Variants in PATL2 observed in about 807,000 individuals in gnomAD.
The protein encoded by PATL2 is protein PAT1 homolog 2.
A neutral mutation model predicts 77.0 loss-of-function variants in PATL2; 73 were observed. That is an observed-to-expected ratio of 0.95 (90% CI 0.78 to 1.15). The LOEUF (loss-of-function observed/expected upper bound fraction) is 1.15. Among genes scored for constraint, PATL2 ranks in the 50% most tolerant of loss-of-function variants. The pLI is 0.00. For missense variants in PATL2, 618 were observed against 655.4 expected, an observed-to-expected ratio of 0.94 and a Z score of 0.62; for synonymous variants, 265 against 257.1, an observed-to-expected ratio of 1.03 and a Z score of -0.29.
intron 3 of PATL2, among the ~76,000 whole-genome samples, chr15:44,702,043 C>A (rs1035263873): frequency 6.6e-6 from 1 of 152,108 alleles, no homozygotes; most frequent in Non-Finnish European, 1.5e-5. Context: ...CTAGGGATTA[C>A]AATTCAACAT....
intron 3 of PATL2, among the ~76,000 whole-genome samples, chr15:44,696,356 A>G (rs575454643): frequency 4.6e-5 from 7 of 152,328 alleles, no homozygotes; most frequent in Non-Finnish European, 8.8e-5. Context: ...AGGTGATGCT[A>G]CCTCTGATTC....
chr15:44,676,597 C>T, intron 3 of PATL2, 32 bp from the exon 4 acceptor site: 2 of 1,515,076 alleles, frequency 1.3e-6, no homozygotes, highest in Non-Finnish European at 1.8e-6. Context: ...GAGGCACCAT[C>T]CTCAGTCAGT....
intron 6 of PATL2, among the ~76,000 whole-genome samples, chr15:44,673,779 C>A (rs1186598306): frequency 2.0e-5 from 3 of 152,218 alleles, no homozygotes; most frequent in Non-Finnish European, 2.9e-5. Context: ...TGAAGGATAT[C>A]CTGGTTCTTG....
chr15:44,709,319 G>T (rs933481692), intron 3 of PATL2, among the ~76,000 whole-genome samples: 2 of 151,990 alleles, frequency 1.3e-5, no homozygotes, highest in South Asian at 2.1e-4. Context: ...TTTTAAGAGG[G>T]TTATATAGGG....
intron 6 of PATL2, 115 bp from the exon 7 acceptor site, chr15:44,673,492 A>T (rs913951216): frequency 2.2e-6 from 3 of 1,357,086 alleles, no homozygotes; most frequent in Non-Finnish European, 3.0e-6. Flanking sequence ...TTCACCCAAC[A>T]TTGTGCCATC....
At chr15:44,680,228 G>T (rs2086103243) in intron 3 of PATL2, among the ~76,000 whole-genome samples, 1 of 152,110 alleles carries the variant, frequency 6.6e-6, no homozygotes, top group Non-Finnish European at 1.5e-5. Context: ...TCTGCTTCTT[G>T]TCGGGACCAT....
intron 3 of PATL2, among the ~76,000 whole-genome samples, chr15:44,693,165 TG>T (rs1320481745): frequency 6.6e-6 from 1 of 152,156 alleles, no homozygotes; most frequent in East Asian, 1.9e-4. Context: ...TCCATGATTC[TG>T]GAAAAAGGGG....
chr15:44,671,488 CAA>C (rs571777244), intron 9 of PATL2, among the ~76,000 whole-genome samples: 12 of 106,920 alleles, frequency 1.1e-4, no homozygotes, highest in Admixed American at 1.0e-4. Flanking sequence ...GACTCTGTCT[CAA>C]AAAAAAAAAA....
At position 44,667,007 on chromosome 15, in the gene PATL2, T is replaced by A. The variant is rs866751481; in HGVS notation, c.1463+99A>T. 5 of 933,762 alleles carry A rather than the reference T, an allele frequency of 5.4e-6. No homozygotes were observed. In the African/African-American group the frequency reaches 6.6e-5, roughly 12 times the overall value. 57.8% of individuals were successfully genotyped at this position (933,762 alleles called of 1,614,324 possible). A position where few individuals can be genotyped will look rare whatever the true frequency, so the allele number is the denominator to read the frequency against. Reference sequence around the variant, plus strand: ...CTACTACTTTCTCTATCCAACCTCTTCCTCAGTACTTGAAAATGCCTCAGG... The same window carrying A: ...CTACTACTTTCTCTATCCAACCTCTACCTCAGTACTTGAAAATGCCTCAGG... On this transcript the variant is annotated intron_variant, in intron 16 of 17. Coordinates refer to ENST00000682850, the MANE Select transcript of PATL2 (RefSeq NM_001387263.1).
At chr15:44,668,817 A>G (rs2085513173) in intron 14 of PATL2, among the ~76,000 whole-genome samples, 163 bp downstream of exon 14, 2 of 152,262 alleles carry the variant, frequency 1.3e-5, no homozygotes, top group Non-Finnish European at 2.9e-5. Context: ...CACTGTTCCT[A>G]TAATAGTTCT....
chr15:44,694,495 T>C (rs1461490683), intron 3 of PATL2, among the ~76,000 whole-genome samples: 1 of 152,156 alleles, frequency 6.6e-6, no homozygotes, highest in African/African-American at 2.4e-5. Context: ...CTCTTTCTTT[T>C]GCCTCTTAAA....
intron 3 of PATL2, among the ~76,000 whole-genome samples, chr15:44,702,170 T>C (rs902879621): frequency 2.6e-5 from 4 of 152,128 alleles, no homozygotes; most frequent in Admixed American, 6.5e-5. Flanking sequence ...TTGTTACTTG[T>C]TATTGGTCTG....
In PATL2 at chr15:44,669,841, G is replaced by C. The variant is rs2085577823; in HGVS notation, c.812C>G (p.Ala271Gly). ...VRIEGSLGQV[A>G]VSTCFSPRRA... ...GCGAGGGCTGAAGCATGTCGACACA[G>C]CTACCTGGCCCAGGGAACCCTCGAT... The change falls in exon 11 of 18, where the codon GCT becomes GGT. Residue 271 changes from alanine (A) to glycine (G), a missense_variant. Physicochemically the swap from Ala to Gly is moderately conservative, Grantham distance 60. Coordinates refer to ENST00000682850, the MANE Select transcript of PATL2 (RefSeq NM_001387263.1). 3 of 1,551,516 alleles carry C rather than the reference G, an allele frequency of 1.9e-6. No homozygotes were observed. The highest frequency in any genetic ancestry group is 1.4e-5 in the African/African-American group (1 of 73,006).
intron 3 of PATL2, among the ~76,000 whole-genome samples, chr15:44,678,673 G>A (rs1191953234): frequency 6.6e-6 from 1 of 152,064 alleles, no homozygotes; most frequent in Non-Finnish European, 1.5e-5. Flanking sequence ...AAAGACATTA[G>A]AGTGGCTCAT....
chr15:44,666,270 C>T lies in PATL2; in HGVS notation c.1613+122G>A, dbSNP rs950526971. Reference sequence around the variant, plus strand: ...CTCAGTAAATGTCAGTGTGTAGAACCACTTCTAAAAACACATGATCCTTCA... The same window carrying T: ...CTCAGTAAATGTCAGTGTGTAGAACTACTTCTAAAAACACATGATCCTTCA... On this transcript the variant is annotated intron_variant, in intron 17 of 17. Coordinates refer to ENST00000682850, the MANE Select transcript of PATL2 (RefSeq NM_001387263.1). 2.3e-6 allele frequency: 3 copies of T among 1,321,952 alleles called. No individual in the cohort carries two copies. In the African/African-American group the frequency reaches 4.4e-5, roughly 19 times the overall value. The allele number at this position is 1,321,952 out of a possible 1,614,324, so 81.9% of individuals were successfully genotyped here.
intron 9 of PATL2, among the ~76,000 whole-genome samples, chr15:44,671,655 C>T (rs1052854184): frequency 2.6e-5 from 4 of 152,130 alleles, no homozygotes; most frequent in East Asian, 1.9e-4. Context: ...TATAACATCC[C>T]TGTGCTTTAG....
intron 15 of PATL2, 107 bp downstream of exon 15, chr15:44,668,235 G>T: frequency 7.6e-7 from 1 of 1,310,860 alleles, no homozygotes; most frequent in Non-Finnish European, 1.0e-6. Context: ...GAGAAGCACT[G>T]CAGAGGATAA....
chr15:44,668,557 T>C (rs756492846), intron 14 of PATL2, 75 bp from the exon 15 acceptor site: 8 of 1,501,738 alleles, frequency 5.3e-6, no homozygotes, highest in Non-Finnish European at 7.1e-6. Context: ...CCACAGTCCC[T>C]TCCCTCGCTG....
chr15:44,705,074 A>T (rs1050203479), intron 3 of PATL2, among the ~76,000 whole-genome samples: 2 of 152,120 alleles, frequency 1.3e-5, no homozygotes, highest in African/African-American at 2.4e-5. Flanking sequence ...ACCTTCATAT[A>T]CTTGAATATT....
Sources: gnomAD v4.1 joint callset for allele counts (sites outside exome capture counted in the v4.1 genomes callset) on GRCh38, gnomAD v4.1.1 for gene constraint, MANE v1.5 for transcripts, NCBI Gene and HGNC (gene_info 2026-07-23, HGNC 2026-07-21) for gene names.